Variants in SCGB2B2 observed in about 807,000 individuals in gnomAD.
The protein encoded by SCGB2B2 is secretoglobin-like protein.
A neutral mutation model predicts 7.6 loss-of-function variants in SCGB2B2; 11 were observed. That is an observed-to-expected ratio of 1.45 (90% CI 0.91 to 2.40). The LOEUF (loss-of-function observed/expected upper bound fraction) is 2.40. Ranked by LOEUF, SCGB2B2 falls within the 30% of genes most tolerant of loss-of-function variation. The pLI, the probability that SCGB2B2 is intolerant of heterozygous loss-of-function variation, is 0.00. For missense variants in SCGB2B2, 104 were observed against 115.4 expected, an observed-to-expected ratio of 0.90 and a Z score of 0.45; for synonymous variants, 50 against 48.6, an observed-to-expected ratio of 1.03 and a Z score of -0.12.
chr19:34,651,301 C>A (rs1192926114), intron 1 of SCGB2B2, among the ~76,000 whole-genome samples: 1 of 151,072 alleles, frequency 6.6e-6, no homozygotes, highest in Admixed American at 6.6e-5. Flanking sequence ...AGAAGGATGT[C>A]AAATTGTCTC....
At position 34,595,864 on chromosome 19, in the gene SCGB2B2, T is replaced by G. The variant is rs925522647; in HGVS notation, c.-1301A>C. The G allele has an allele frequency of 3.3e-5, 5 of 152,234 alleles. No homozygotes were observed. The highest frequency in any genetic ancestry group is 1.2e-4 in the African/African-American group (5 of 41,438). 9.4% of individuals were successfully genotyped at this position (152,234 alleles called of 1,614,324 possible). ...AGCAGGGATGCTGACGCTTGTACAC[T>G]CGGGTGCCAGTGCCGCTCCAATAGC... On this transcript the variant is annotated 5_prime_UTR_variant, in exon 2 of 4. Transcript: ENST00000601241.
intron 1 of SCGB2B2, chr19:34,608,660 C>CATATATATATATATAGATATATAT: frequency 1.1e-5 from 1 of 87,260 alleles, no homozygotes; most frequent in African/African-American, 5.7e-5. Context: ...TGTCTCATTG[C>CATATATATATATATAGATATATAT]ATATATATAT....
intron 1 of SCGB2B2, among the ~76,000 whole-genome samples, chr19:34,597,918 G>T (rs574470581): frequency 1.3e-5 from 2 of 152,110 alleles, no homozygotes; most frequent in African/African-American, 4.8e-5. Context: ...GGGTCAGGGC[G>T]TTTTCAAGAG....
intron 1 of SCGB2B2, among the ~76,000 whole-genome samples, chr19:34,601,275 G>A (rs1332423502): frequency 1.3e-5 from 2 of 152,230 alleles, no homozygotes; most frequent in African/African-American, 4.8e-5. Context: ...ATGTGGCACT[G>A]TGTTGACTAC....
At chr19:34,597,572 C>T (rs1244395639) in intron 1 of SCGB2B2, among the ~76,000 whole-genome samples, 1 of 152,242 alleles carries the variant, frequency 6.6e-6, no homozygotes, top group African/African-American at 2.4e-5. Context: ...TTAGGAAGTG[C>T]CTCCCTTGTC....
chr19:34,641,169 T>C (rs897273947), intron 1 of SCGB2B2, among the ~76,000 whole-genome samples: 2 of 152,278 alleles, frequency 1.3e-5, no homozygotes, highest in Middle Eastern at 3.4e-3. Context: ...ACTGGTTTTG[T>C]TCATAGGGCC....
At chr19:34,654,194 T>A (rs2067229963) in intron 1 of SCGB2B2, among the ~76,000 whole-genome samples, 1 of 151,154 alleles carries the variant, frequency 6.6e-6, no homozygotes, top group Non-Finnish European at 1.5e-5. Flanking sequence ...AACAAAAAAA[T>A]TAATTTAATA....
intron 1 of SCGB2B2, among the ~76,000 whole-genome samples, chr19:34,600,483 G>A (rs1002657408): frequency 6.6e-6 from 1 of 152,204 alleles, no homozygotes; most frequent in African/African-American, 2.4e-5. Context: ...CTTGAAAGCA[G>A]TTGTACAATG....
rs528092091 is a variant in SCGB2B2 at position 34,591,401 on chromosome 19, G to A, written c.*2154C>T. ...TGCTGCCCCAGCCTCTGTCTCCCTCGTGTCTCTCCAGGGCTGCACTGTGAC... is the reference window on the plus strand; with the variant it reads ...TGCTGCCCCAGCCTCTGTCTCCCTCATGTCTCTCCAGGGCTGCACTGTGAC... On this transcript the variant is annotated 3_prime_UTR_variant, in exon 4 of 4. Transcript: ENST00000601241. Among the ~76,000 whole-genome samples, 9 of 152,182 alleles carry A rather than the reference G, an allele frequency of 5.9e-5. No individual in the cohort carries two copies. The highest frequency in any genetic ancestry group is 1.2e-4 in the Non-Finnish European group (8 of 68,018).
chr19:34,613,832 A>AACTCTAAG (rs1291697339), intron 1 of SCGB2B2, among the ~76,000 whole-genome samples: 1 of 152,164 alleles, frequency 6.6e-6, no homozygotes, highest in Non-Finnish European at 1.5e-5. Flanking sequence ...TAATGTCCTT[A>AACTCTAAG]GAGTTTCTTT....
intron 1 of SCGB2B2, among the ~76,000 whole-genome samples, chr19:34,639,815 A>G (rs1416556788): frequency 6.6e-6 from 1 of 152,132 alleles, no homozygotes; most frequent in East Asian, 1.9e-4. Context: ...GCTTCCTCTG[A>G]CAGTTCCCAT....
At chr19:34,644,106 A>G (rs1291361442) in intron 1 of SCGB2B2, among the ~76,000 whole-genome samples, 2 of 152,228 alleles carry the variant, frequency 1.3e-5, no homozygotes, top group East Asian at 3.8e-4. Context: ...GCAGAACTCT[A>G]TTGGGATGAT....
At chr19:34,664,388 T>TTAGAGGCAGGG (rs2067552564) in intron 1 of SCGB2B2, among the ~76,000 whole-genome samples, 1 of 152,010 alleles carries the variant, frequency 6.6e-6, no homozygotes, top group Admixed American at 6.5e-5. Flanking sequence ...AAACTGGGGG[T>TTAGAGGCAGGG]TAGAGGCAGG....
chr19:34,602,582 C>T (rs1028280487), intron 1 of SCGB2B2, among the ~76,000 whole-genome samples: 9 of 151,962 alleles, frequency 5.9e-5, no homozygotes, highest in Non-Finnish European at 7.4e-5. Flanking sequence ...GGAGATAAGG[C>T]GGGAAATGAA....
chr19:34,637,142 G>A (rs1038067161), intron 1 of SCGB2B2, among the ~76,000 whole-genome samples: 1 of 152,168 alleles, frequency 6.6e-6, no homozygotes, highest in African/African-American at 2.4e-5. Flanking sequence ...CACCAGGAGG[G>A]AAGGGGGCAG....
chr19:34,654,158 A>C (rs1350108648), intron 1 of SCGB2B2, among the ~76,000 whole-genome samples: 1 of 151,362 alleles, frequency 6.6e-6, no homozygotes, highest in Non-Finnish European at 1.5e-5. Context: ...TGTTATATGT[A>C]AAATATATTT....
chr19:34,623,946 G>A (rs1016273460), intron 1 of SCGB2B2, among the ~76,000 whole-genome samples: 1 of 152,188 alleles, frequency 6.6e-6, no homozygotes, highest in African/African-American at 2.4e-5. Flanking sequence ...ACTATTGAAA[G>A]TGGAGTTTTC....
intron 1 of SCGB2B2, among the ~76,000 whole-genome samples, chr19:34,662,314 C>A (rs8110196): frequency 0.36 from 54,675 of 151,886 alleles, 10,153 homozygotes; most frequent in African/African-American, 0.44. Context: ...AAAGGGAGTT[C>A]TTACCCACAC....
At chr19:34,586,118 A>C (rs2065185586), downstream of SCGB2B2, among the ~76,000 whole-genome samples, 1 of 152,134 alleles carries the variant, frequency 6.6e-6, no homozygotes, top group Admixed American at 6.5e-5. Context: ...AACACAGTTG[A>C]GTTTTGGGGA....
Sources: allele counts gnomAD v4.1 joint callset (sites outside exome capture counted in the v4.1 genomes callset), GRCh38; gene constraint gnomAD v4.1.1; transcripts MANE v1.5; gene names NCBI Gene and HGNC (gene_info 2026-07-23, HGNC 2026-07-21).